Variants in PACS2 observed in about 807,000 individuals in gnomAD.
PACS2 encodes the protein PACS1-like protein.
In PACS2, 36 loss-of-function variants were observed where a neutral mutation model predicts 113.0. That is an observed-to-expected ratio of 0.32 (90% CI 0.24 to 0.42). The LOEUF is 0.42. Ranked by LOEUF, PACS2 falls within the 10% of genes least tolerant of loss-of-function variation. The pLI, the probability that PACS2 is intolerant of heterozygous loss-of-function variation, is 1.00. For synonymous variants in PACS2, 589 were observed against 536.1 expected (o/e 1.10, Z -1.36); for missense variants, 1,015 against 1,239.5 (o/e 0.82, Z 2.72).
upstream of PACS2, among the ~76,000 whole-genome samples, chr14:105,310,739 A>G (rs1595526904): frequency 3.3e-5 from 5 of 152,266 alleles, 1 homozygote; most frequent in East Asian, 9.7e-4. Context: ...TTCCCTACAC[A>G]ATTAATACAT....
In PACS2 at chr14:105,365,050, G is replaced by A. The variant is rs2060897484; in HGVS notation, c.424-2163G>A. 6.6e-6 allele frequency among the ~76,000 whole-genome samples: 1 copy of A among 152,260 alleles called. No homozygotes were observed. Among genetic ancestry groups the A allele is most frequent in the South Asian group, 2.1e-4 (1 of 4,836 alleles). On this transcript the variant is annotated intron_variant, in intron 4 of 24. Transcript: ENST00000447393. This position sits in a 1 kb window ranked among gnomAD's most constrained non-coding sequence, Gnocchi z 5.1. ...TTGAAAATGGAAGAGGGAGGAGCCT[G>A]TCAGGGTCAGGGGTGGAGGGAGCTG...
chr14:105,369,909 G>A lies in PACS2; in HGVS notation c.801+9G>A, dbSNP rs367679067. 75 of 1,597,658 alleles carry A rather than the reference G, an allele frequency of 4.7e-5. No individual in the cohort carries two copies. Among genetic ancestry groups the A allele is most frequent in the Non-Finnish European group, 5.6e-5 (66 of 1,176,326 alleles). On this transcript the variant is annotated intron_variant, in intron 8 of 24. Transcript: ENST00000447393. ...TCAAAGTGTCCGACGAGGTGAGTGC[G>A]CCGCGCCTTCTGCTCGCGGCCCCCA...
intron 8 of PACS2, among the ~76,000 whole-genome samples, chr14:105,373,567 C>T (rs371102966): frequency 1.8e-3 from 267 of 152,234 alleles, no homozygotes; most frequent in Middle Eastern, 6.8e-3. Flanking sequence ...CCCCAGCACT[C>T]TGGGAGGCTG....
In PACS2 at chr14:105,356,760, T is replaced by C. The variant is rs1252252083; in HGVS notation, c.423+1583T>C. Among the ~76,000 whole-genome samples, 1 of 147,572 alleles carries C rather than the reference T, an allele frequency of 6.8e-6. No individual in the cohort carries two copies. The highest frequency in any genetic ancestry group is 1.5e-5 in the Non-Finnish European group (1 of 66,860). The stretch of plus-strand genomic sequence containing the variant: ...CCCTGCCGGTCCCTGTGTTTCCCAT[T>C]AGCCATGCAGGCGAGGTCCTGCTGA... On this transcript the variant is annotated intron_variant, in intron 4 of 24. Coordinates refer to ENST00000447393, the MANE Select transcript of PACS2 (RefSeq NM_001100913.3). This position sits in a 1 kb window ranked among gnomAD's most constrained non-coding sequence, Gnocchi z 4.0.
chr14:105,334,169 C>T (rs587704002), intron 1 of PACS2, among the ~76,000 whole-genome samples: 22 of 152,354 alleles, frequency 1.4e-4, no homozygotes, highest in African/African-American at 5.3e-4. Context: ...GCTGCATCCT[C>T]CTGCGTTGGG....
intron 1 of PACS2, among the ~76,000 whole-genome samples, chr14:105,341,878 C>T (rs1422206170): frequency 5.9e-5 from 9 of 152,182 alleles, no homozygotes; most frequent in Non-Finnish European, 1.0e-4. Flanking sequence ...CCGCAAGCTG[C>T]GACTTTTTCC....
At chr14:105,375,807 C>G (rs1215977216) in intron 8 of PACS2, among the ~76,000 whole-genome samples, 1 of 152,152 alleles carries the variant, frequency 6.6e-6, no homozygotes, top group Non-Finnish European at 1.5e-5. Context: ...ATGCATGGAC[C>G]CACTCAGACG....
Position 105,348,300 on chromosome 14 carries a change from G to T in PACS2, c.120-193G>T, listed in dbSNP as rs1183300788. 2.0e-5 allele frequency among the ~76,000 whole-genome samples: 3 copies of T among 152,188 alleles called. No homozygotes were observed. Among genetic ancestry groups the T allele is most frequent in the Admixed American group, 2.0e-4 (3 of 15,288 alleles). On this transcript the variant is annotated intron_variant, in intron 1 of 24. Coordinates refer to ENST00000447393, the MANE Select transcript of PACS2 (RefSeq NM_001100913.3). The surrounding 1 kb of genome is among the most constrained non-coding windows in gnomAD (Gnocchi z 6.4). ...CCCGGCAGCCAACGGATGCTGAGGG[G>T]TGCCCACCATGTGCAGGGACAGCTG... is the stretch of plus-strand genomic sequence containing the variant.
chr14:105,391,084 C>T (rs1206938812), intron 20 of PACS2, 123 bp from the exon 21 acceptor site: 7 of 735,772 alleles, frequency 9.5e-6, no homozygotes, highest in Non-Finnish European at 1.7e-5. Flanking sequence ...GGAGCTGGCA[C>T]CACCTGGCCG....
chr14:105,332,665 C>G (rs1464016519), intron 1 of PACS2, among the ~76,000 whole-genome samples: 1 of 152,186 alleles, frequency 6.6e-6, no homozygotes, highest in Non-Finnish European at 1.5e-5. Context: ...GGCTTCTCTG[C>G]GGGGCCTCTG....
intron 5 of PACS2, 29 bp from the exon 6 acceptor site, chr14:105,368,045 A>AC: frequency 2.7e-6 from 4 of 1,504,224 alleles, no homozygotes; most frequent in Non-Finnish European, 3.7e-6. Context: ...ATCTCACGGC[A>AC]CCCTCCCTTC....
chr14:105,304,232 C>G (rs2058113225), intron 1 of PACS2, among the ~76,000 whole-genome samples: 1 of 152,172 alleles, frequency 6.6e-6, no homozygotes, highest in African/African-American at 2.4e-5. Context: ...TGGCTCAGGA[C>G]TGTAATCCCA....
chr14:105,393,756 A>C (rs2081445594), intron 24 of PACS2, among the ~76,000 whole-genome samples: 1 of 151,724 alleles, frequency 6.6e-6, no homozygotes, highest in South Asian at 2.1e-4. Flanking sequence ...CGCCCGGCTA[A>C]TTTTTTGTAT....
intron 1 of PACS2, among the ~76,000 whole-genome samples, chr14:105,345,329 C>T (rs1254393841): frequency 6.6e-6 from 1 of 152,038 alleles, no homozygotes; most frequent in African/African-American, 2.4e-5. Context: ...ATAGCGTGAA[C>T]CCAGGAGGCG....
At chr14:105,362,845 C>T (rs1555406994) in intron 4 of PACS2, among the ~76,000 whole-genome samples, 4 of 152,120 alleles carry the variant, frequency 2.6e-5, no homozygotes, top group Non-Finnish European at 5.9e-5. Flanking sequence ...AGCGAAACTC[C>T]AACTCAAATA....
intron 4 of PACS2, among the ~76,000 whole-genome samples, chr14:105,362,914 G>A (rs1317824135): frequency 2.0e-5 from 3 of 152,132 alleles, no homozygotes; most frequent in South Asian, 2.1e-4. Flanking sequence ...GATGGATGTC[G>A]TGTGAGCAGC....
rs587654016 is a variant in PACS2 at position 105,315,845 on chromosome 14, C to T, written c.119+808C>T. On this transcript the variant is annotated intron_variant, in intron 1 of 24. Transcript: ENST00000447393. The surrounding 1 kb of genome is among the most constrained non-coding windows in gnomAD (Gnocchi z 4.4). ...AGGCTAAGGAGGAGAGAGACACGCT[C>T]TCCGGAAAAGTTCTGGTTCTAGAAT... Among the ~76,000 whole-genome samples, 2 of 152,318 alleles carry T rather than the reference C, an allele frequency of 1.3e-5. No homozygotes were observed. Among genetic ancestry groups the T allele is most frequent in the Admixed American group, 6.5e-5 (1 of 15,310 alleles).
At chr14:105,367,153 C>G (rs1430345524) in intron 4 of PACS2, 60 bp from the exon 5 acceptor site, 2 of 1,504,834 alleles carry the variant, frequency 1.3e-6, no homozygotes, top group Non-Finnish European at 1.8e-6. Context: ...GCCCACACAT[C>G]AGGGCACCGG....
Position 105,395,037 on chromosome 14 carries a change from G to C in PACS2, c.*365G>C. ...ACTCTGCTTCCTCAGGGAGCCCGGG[G>C]AAGGCGGAGCTCAGTGGCCACAGGC... On this transcript the variant is annotated 3_prime_UTR_variant, in exon 25 of 25. Coordinates refer to ENST00000447393, the MANE Select transcript of PACS2 (RefSeq NM_001100913.3). The C allele has an allele frequency of 8.2e-6, 2 of 244,324 alleles. No homozygotes were observed. The highest frequency in any genetic ancestry group is 1.6e-5 in the Non-Finnish European group (2 of 122,486). 15.1% of individuals were successfully genotyped at this position (244,324 alleles called of 1,614,324 possible). A position where few individuals can be genotyped will look rare whatever the true frequency, so the allele number is the denominator to read the frequency against.
Sources: gnomAD v4.1 joint callset for allele counts (sites outside exome capture counted in the v4.1 genomes callset) on GRCh38, gnomAD v4.1.1 for gene constraint, Gnocchi (gnomAD v3.1) non-coding constraint, MANE v1.5 for transcripts, NCBI Gene and HGNC (gene_info 2026-07-23, HGNC 2026-07-21) for gene names.